The following STARD13 variants were observed in gnomAD, a reference collection of about 807,000 sequenced individuals.
STARD13 encodes the protein stAR-related lipid transfer protein 13.
STARD13 carries 62 observed loss-of-function variants against 106.4 expected under a neutral mutation model. That is an observed-to-expected ratio of 0.58 (90% confidence interval 0.48 to 0.72). The LOEUF is 0.72. Ranked by LOEUF, STARD13 falls within the 30% of genes least tolerant of loss-of-function variation. STARD13 has a pLI of 0.00. For missense variants in STARD13, 1,387 were observed against 1,424.0 expected (o/e 0.97, Z 0.42); for synonymous variants, 565 against 553.0 (o/e 1.02, Z -0.31).
chr13:33,602,370 C>T, the STARD13 span, among the ~76,000 whole-genome samples: 27 of 152,108 alleles, frequency 1.8e-4, no homozygotes, highest in African/African-American at 6.0e-4. Context: ...GGATTGCAGG[C>T]GTGAGCCACC....
the STARD13 span, among the ~76,000 whole-genome samples, chr13:33,518,583 G>A: frequency 2.6e-3 from 394 of 152,140 alleles, 1 homozygote; most frequent in African/African-American, 9.2e-3. Context: ...ATGGTCCTGC[G>A]GTCTTAACTG....
the STARD13 span, among the ~76,000 whole-genome samples, chr13:33,641,639 G>A: frequency 6.6e-6 from 1 of 152,106 alleles, no homozygotes; most frequent in Non-Finnish European, 1.5e-5. Flanking sequence ...ATTGTTTTCT[G>A]AGCCCCAACA....
At chr13:33,229,477 C>T (rs768460835) in intron 1 of STARD13, among the ~76,000 whole-genome samples, 1 of 152,238 alleles carries the variant, frequency 6.6e-6, no homozygotes, top group Non-Finnish European at 1.5e-5. Flanking sequence ...TGTAACATCC[C>T]TTTATCTCTT....
At chr13:33,339,761 A>G (rs1167117510) in intron 1 of STARD13, among the ~76,000 whole-genome samples, 1 of 152,200 alleles carries the variant, frequency 6.6e-6, no homozygotes, top group Non-Finnish European at 1.5e-5. Flanking sequence ...TTTTATATCT[A>G]CTGCTTAGGA....
At chr13:33,657,824 T>A in the STARD13 span, among the ~76,000 whole-genome samples, 52 of 152,370 alleles carry the variant, frequency 3.4e-4, no homozygotes, top group Non-Finnish European at 6.9e-4. Flanking sequence ...CTAGTAAATC[T>A]ACTATTACTT....
chr13:33,365,511 G>A, the STARD13 span, among the ~76,000 whole-genome samples: 2 of 152,182 alleles, frequency 1.3e-5, no homozygotes, highest in Non-Finnish European at 2.9e-5. Context: ...TGCCAGGGAA[G>A]GTAAGGCGGG....
intron 1 of STARD13, among the ~76,000 whole-genome samples, chr13:33,273,576 T>C (rs1240123552): frequency 1.3e-5 from 2 of 152,220 alleles, no homozygotes; most frequent in African/African-American, 4.8e-5. Context: ...AACAAATTGA[T>C]AGTGATCAGA....
chr13:33,590,697 C>T, the STARD13 span, among the ~76,000 whole-genome samples: 39 of 90,690 alleles, frequency 4.3e-4, no homozygotes, highest in Middle Eastern at 0.012. Flanking sequence ...TGGGGCCTGT[C>T]ATGGGGTGGG....
intron 1 of STARD13, among the ~76,000 whole-genome samples, chr13:33,329,240 G>A (rs2077809736): frequency 1.3e-5 from 2 of 150,250 alleles, no homozygotes; most frequent in Admixed American, 1.3e-4. Context: ...TGGAATTACA[G>A]GATTTTTTTT....
At chr13:33,539,061 G>A in the STARD13 span, among the ~76,000 whole-genome samples, 3 of 152,138 alleles carry the variant, frequency 2.0e-5, no homozygotes, top group East Asian at 1.9e-4. Flanking sequence ...GAGCCACTGC[G>A]CCCGGCCTTG....
chr13:33,412,033 T>C, the STARD13 span, among the ~76,000 whole-genome samples: 1 of 152,118 alleles, frequency 6.6e-6, no homozygotes, highest in Non-Finnish European at 1.5e-5. Flanking sequence ...ACCAAAAATA[T>C]GGGTAAATAT....
At chr13:33,481,983 G>GAAA in the STARD13 span, among the ~76,000 whole-genome samples, 3 of 93,072 alleles carry the variant, frequency 3.2e-5, no homozygotes, top group African/African-American at 1.2e-4. Flanking sequence ...ACTCCGTCTC[G>GAAA]AAAAAAAAAA....
chr13:33,272,173 G>A (rs1321216254), intron 1 of STARD13, among the ~76,000 whole-genome samples: 1 of 152,198 alleles, frequency 6.6e-6, no homozygotes, highest in Non-Finnish European at 1.5e-5. Context: ...TACAGGTTTA[G>A]TAACCCTTAT....
chr13:33,456,099 T>C, the STARD13 span, among the ~76,000 whole-genome samples: 1 of 152,214 alleles, frequency 6.6e-6, no homozygotes, highest in Non-Finnish European at 1.5e-5. Context: ...ATATTGTCTA[T>C]GGCTGCTTTC....
chr13:33,490,333 T>C, the STARD13 span, among the ~76,000 whole-genome samples: 1 of 152,152 alleles, frequency 6.6e-6, no homozygotes, highest in Non-Finnish European at 1.5e-5. Flanking sequence ...TGGATACTCA[T>C]GGCCCTAAAT....
the STARD13 span, among the ~76,000 whole-genome samples, chr13:33,634,057 T>C: frequency 4.6e-5 from 7 of 152,374 alleles, no homozygotes; most frequent in African/African-American, 1.4e-4. Flanking sequence ...TCAATGATCA[T>C]TTTTAATGTA....
At chr13:33,451,187 A>G in the STARD13 span, among the ~76,000 whole-genome samples, 1 of 152,206 alleles carries the variant, frequency 6.6e-6, no homozygotes, top group Non-Finnish European at 1.5e-5. Flanking sequence ...GCTGAAATGC[A>G]GGTATTTTGG....
chr13:33,581,845 A>G, the STARD13 span, among the ~76,000 whole-genome samples: 11 of 152,210 alleles, frequency 7.2e-5, 1 homozygote, highest in Non-Finnish European at 1.2e-4. Context: ...CAATAAAGGA[A>G]GGTTACTACA....
chr13:33,213,194 T>A (rs1354603585), intron 1 of STARD13, among the ~76,000 whole-genome samples: 2 of 152,098 alleles, frequency 1.3e-5, no homozygotes, highest in African/African-American at 4.8e-5. Context: ...AGTTTGAAAA[T>A]GTCGGCAATG....
Sources: gnomAD v4.1 joint callset for allele counts (sites outside exome capture counted in the v4.1 genomes callset) on GRCh38, gnomAD v4.1.1 for gene constraint, MANE v1.5 for transcripts, NCBI Gene and HGNC (gene_info 2026-07-23, HGNC 2026-07-21) for gene names.